The following STAT1 variants were observed in gnomAD, a reference collection of about 807,000 sequenced individuals.
STAT1 encodes signal transducer and activator of transcription 1-alpha/beta.
A neutral mutation model predicts 111.7 loss-of-function variants in STAT1; 24 were observed. The ratio of observed to expected loss-of-function variants is 0.21; its 90% CI spans 0.16 to 0.30. STAT1 has a LOEUF of 0.30. Ranked by LOEUF, STAT1 falls within the 10% of genes least tolerant of loss-of-function variation. STAT1 has a pLI of 1.00. For missense variants in STAT1, 351 were observed against 911.9 expected (o/e 0.38, Z 7.92); for synonymous variants, 332 against 326.5 (o/e 1.02, Z -0.18).
intron 10 of STAT1, among the ~76,000 whole-genome samples, chr2:190,994,501 G>A (rs1202947347): frequency 3.3e-5 from 5 of 152,046 alleles, no homozygotes; most frequent in African/African-American, 4.8e-5. Context: ...GGCATGTTAG[G>A]GTCACGGCGG....
At chr2:190,994,841 G>A (rs1693693862) in intron 10 of STAT1, among the ~76,000 whole-genome samples, 2 of 150,234 alleles carry the variant, frequency 1.3e-5, no homozygotes, top group Admixed American at 6.6e-5. Flanking sequence ...GCTTGAACTT[G>A]GGAGGTGGAG....
At chr2:190,994,668 C>T (rs1032531482) in intron 10 of STAT1, among the ~76,000 whole-genome samples, 1 of 151,976 alleles carries the variant, frequency 6.6e-6, no homozygotes, top group African/African-American at 2.4e-5. Context: ...CGCCTGTAAT[C>T]CCAGCACTTT....
Position 190,974,398 on chromosome 2 carries a change from A to G in STAT1, c.2238+432T>C, listed in dbSNP as rs145673407. 3.1e-4 allele frequency among the ~76,000 whole-genome samples: 47 copies of G among 152,348 alleles called. No homozygotes were observed. Among genetic ancestry groups the G allele is most frequent in the African/African-American group, 8.9e-4 (37 of 41,572 alleles). ...GAAGTAATCTCATTGCTGCTAAAGT[A>G]TAATTCTCTCTAATTACTGTAACTA... On this transcript the variant is annotated intron_variant, in intron 24 of 24. Transcript: ENST00000361099. This position sits in a 1 kb window ranked among gnomAD's most constrained non-coding sequence, Gnocchi z 4.8.
At position 190,977,450 on chromosome 2, in the gene STAT1, T is replaced by C. The variant is rs909360269; in HGVS notation, c.1874-425A>G. ...TTTCATATTGAAAAATCTAATTTTT[T>C]ATTAAAATAAATTATGATATATAGA... On this transcript the variant is annotated intron_variant, in intron 21 of 24. Coordinates refer to ENST00000361099, the MANE Select transcript of STAT1 (RefSeq NM_007315.4). This position sits in a 1 kb window ranked among gnomAD's most constrained non-coding sequence, Gnocchi z 4.7. Among the ~76,000 whole-genome samples the C allele has an allele frequency of 6.6e-6, 1 of 152,244 alleles. No individual in the cohort carries two copies. The highest frequency in any genetic ancestry group is 1.5e-5 in the Non-Finnish European group (1 of 68,044).
Position 190,980,812 on chromosome 2 carries a change from T to C in STAT1, c.1583-143A>G. On this transcript the variant is annotated intron_variant, in intron 18 of 24. Coordinates refer to ENST00000361099, the MANE Select transcript of STAT1 (RefSeq NM_007315.4). This position sits in a 1 kb window ranked among gnomAD's most constrained non-coding sequence, Gnocchi z 6.1. ...TATGTACACAGTTGACATTTTCGGA[T>C]ACCTTAATGCCAAATTAACTGAGCA... The C allele has an allele frequency of 3.7e-6, 3 of 812,226 alleles. No homozygotes were observed. The South Asian group carries it at 4.3e-5, about 12-fold the overall frequency. 50.3% of individuals were successfully genotyped at this position (812,226 alleles called of 1,614,324 possible).
At position 190,995,644 on chromosome 2, in the gene STAT1, T is replaced by C. The variant is rs780173571; in HGVS notation, c.786-425A>G. Among the ~76,000 whole-genome samples, 101 of 152,118 alleles carry C rather than the reference T, an allele frequency of 6.6e-4. No homozygotes were observed. Among genetic ancestry groups the C allele is most frequent in the Admixed American group, 4.7e-3 (72 of 15,270 alleles). ...TTTGGGTGGGGACACGGCCAAACCA[T>C]ATGGCATGGAAACCAACAAGTGGTT... On this transcript the variant is annotated intron_variant, in intron 9 of 24. Coordinates refer to ENST00000361099, the MANE Select transcript of STAT1 (RefSeq NM_007315.4). The surrounding 1 kb of genome is among the most constrained non-coding windows in gnomAD (Gnocchi z 4.2).
Position 190,981,392 on chromosome 2 carries a change from G to A in STAT1, c.1583-723C>T, listed in dbSNP as rs1328529905. Among the ~76,000 whole-genome samples the A allele has an allele frequency of 6.6e-6, 1 of 152,202 alleles. No homozygotes were observed. The highest frequency in any genetic ancestry group is 1.5e-5 in the Non-Finnish European group (1 of 68,040). On this transcript the variant is annotated intron_variant, in intron 18 of 24. Coordinates refer to ENST00000361099, the MANE Select transcript of STAT1 (RefSeq NM_007315.4). The surrounding 1 kb of genome is among the most constrained non-coding windows in gnomAD (Gnocchi z 4.1). ...GTCTGATGCAAATCAAAAACCAAGT[G>A]AGAGAAACGAGAGGAAGAAGCCCGG...
At position 190,991,174 on chromosome 2, in the gene STAT1, G is replaced by A; in HGVS notation, c.1037+54C>T. 2.6e-6 allele frequency: 4 copies of A among 1,554,522 alleles called. No homozygotes were observed. In the Middle Eastern group the frequency reaches 6.9e-4, roughly 268 times the overall value. On this transcript the variant is annotated intron_variant, in intron 11 of 24. Transcript: ENST00000361099. ...TAACAGTTTTTATAAAAGGAAACTA[G>A]GGGTACAAACTACGTGACAGGTGAT...
chr2:191,009,616 G>C (rs888040528), intron 3 of STAT1, among the ~76,000 whole-genome samples: 2 of 152,148 alleles, frequency 1.3e-5, no homozygotes, highest in Admixed American at 1.3e-4. Context: ...CTTGTCCAAA[G>C]CATTTAGGAA....
intron 10 of STAT1, among the ~76,000 whole-genome samples, chr2:190,991,685 C>T (rs45467700): frequency 0.091 from 13,841 of 151,708 alleles, 810 homozygotes; most frequent in East Asian, 0.16. Flanking sequence ...ATAGTGAGAC[C>T]GTATCTTTAC....
In STAT1 at chr2:190,980,574, A is replaced by G. The variant is rs180986774; in HGVS notation, c.1632+46T>C. 4 of 1,601,032 alleles carry G rather than the reference A, an allele frequency of 2.5e-6. No homozygotes were observed. In the South Asian group the frequency reaches 4.4e-5, roughly 18 times the overall value. ...AGCAAGAAACATGAGAACCTCAACC[A>G]AGAGCAAAAAGGACTTAGAGAGCAT... On this transcript the variant is annotated intron_variant, in intron 19 of 24. Coordinates refer to ENST00000361099, the MANE Select transcript of STAT1 (RefSeq NM_007315.4). The surrounding 1 kb of genome is among the most constrained non-coding windows in gnomAD (Gnocchi z 6.1).
chr2:190,976,705 G>A lies in STAT1; in HGVS notation c.2059+135C>T. 2.7e-6 allele frequency: 2 copies of A among 754,484 alleles called. No individual in the cohort carries two copies. The highest frequency in any genetic ancestry group is 4.7e-6 in the Non-Finnish European group (2 of 426,280). 46.7% of individuals were successfully genotyped at this position (754,484 alleles called of 1,614,324 possible). A position where few individuals can be genotyped will look rare whatever the true frequency, so the allele number is the denominator to read the frequency against. On this transcript the variant is annotated intron_variant, in intron 22 of 24. Transcript: ENST00000361099. The surrounding 1 kb of genome is among the most constrained non-coding windows in gnomAD (Gnocchi z 6.0). ...TAATGCATTATGTTTCACCTGCACT[G>A]AGTTTATGCCATCTTTTGAAAGCCT...
In STAT1 at chr2:191,007,549, T is replaced by C; in HGVS notation, c.372+14A>G. 1 of 1,585,888 alleles carries C rather than the reference T, an allele frequency of 6.3e-7. No homozygotes were observed. Among genetic ancestry groups the C allele is most frequent in the East Asian group, 2.2e-5 (1 of 44,648 alleles). ...ATTTTATTACAGTTTATGTGTTCAA[T>C]GAGAAAAAAGTACCTGATTAAATCT... is the stretch of plus-strand genomic sequence containing the variant. On this transcript the variant is annotated intron_variant, in intron 5 of 24. Transcript: ENST00000361099. The surrounding 1 kb of genome is among the most constrained non-coding windows in gnomAD (Gnocchi z 4.2).
Position 190,978,964 on chromosome 2 carries a change from C to A in STAT1, c.1765G>T (p.Ala589Ser), listed in dbSNP as rs745491762. 1.2e-5 allele frequency: 20 copies of A among 1,614,070 alleles called. No individual in the cohort carries two copies. The African/African-American group carries it at 2.5e-4, about 20-fold the overall frequency. Residue 589 changes from alanine to serine, a missense_variant, in exon 21 of 25, where the codon GCC becomes TCC. Around this residue, in one of 7 missense-constraint regions of STAT1, gnomAD observed 181 missense variants for 426.1 expected, o/e 0.42. Transcript: ENST00000361099. The surrounding 1 kb of genome is among the most constrained non-coding windows in gnomAD (Gnocchi z 6.1). ...CCCGGCTGCTGGTCCTTCAACAGGGCACGCTCTCGCTCCTTGCTGATGAAG... is the reference window on the plus strand; with the variant it reads ...CCCGGCTGCTGGTCCTTCAACAGGGAACGCTCTCGCTCCTTGCTGATGAAG... ...MGFISKERERALLKDQQPGTF... is the reference protein window; with the variant it reads ...MGFISKERERSLLKDQQPGTF...
rs1473555565 is a variant in STAT1, at chr2:190,996,418, C to T, written c.786-1199G>A. On this transcript the variant is annotated intron_variant, in intron 9 of 24. Coordinates refer to ENST00000361099, the MANE Select transcript of STAT1 (RefSeq NM_007315.4). This position sits in a 1 kb window ranked among gnomAD's most constrained non-coding sequence, Gnocchi z 4.5. ...AGGCAGGATAACGGCTGGCTGAGTTCCAGCGGAGAAGCTAAACCAGTGTCC... is the reference window on the plus strand; with the variant it reads ...AGGCAGGATAACGGCTGGCTGAGTTTCAGCGGAGAAGCTAAACCAGTGTCC... Among the ~76,000 whole-genome samples the T allele has an allele frequency of 6.6e-6, 1 of 152,190 alleles. No individual in the cohort carries two copies. Among genetic ancestry groups the T allele is most frequent in the Non-Finnish European group, 1.5e-5 (1 of 68,032 alleles).
chr2:191,006,416 T>C lies in STAT1; in HGVS notation c.372+1147A>G, dbSNP rs530475846. ...ACATGCTCAGTTCAGCAAGATGCTA[T>C]CAGTGTGACAAGAAGATGGGAACTA... On this transcript the variant is annotated intron_variant, in intron 5 of 24. Transcript: ENST00000361099. The surrounding 1 kb of genome is among the most constrained non-coding windows in gnomAD (Gnocchi z 4.6). Among the ~76,000 whole-genome samples the C allele has an allele frequency of 6.6e-6, 1 of 152,166 alleles. No homozygotes were observed. Among genetic ancestry groups the C allele is most frequent in the Non-Finnish European group, 1.5e-5 (1 of 68,020 alleles).
chr2:191,003,306 G>A lies in STAT1; in HGVS notation c.373-2143C>T, dbSNP rs1006811533. On this transcript the variant is annotated intron_variant, in intron 5 of 24. Transcript: ENST00000361099. The surrounding 1 kb of genome is among the most constrained non-coding windows in gnomAD (Gnocchi z 4.0). Reference sequence around the variant, plus strand: ...AGTGACAAAAGGGGTTTCTCTGGGCGGTTGGAATAAGTTGTCACTTTGAGG... The same window carrying A: ...AGTGACAAAAGGGGTTTCTCTGGGCAGTTGGAATAAGTTGTCACTTTGAGG... Among the ~76,000 whole-genome samples, 6 of 152,324 alleles carry A rather than the reference G, an allele frequency of 3.9e-5. No homozygotes were observed. The South Asian group carries it at 8.3e-4, about 21-fold the overall frequency.
chr2:191,010,795 TA>T (rs1412561219), intron 2 of STAT1, among the ~76,000 whole-genome samples: 1 of 152,272 alleles, frequency 6.6e-6, no homozygotes, highest in Non-Finnish European at 1.5e-5. Flanking sequence ...AAATGTAATT[TA>T]AAAGGATAAA....
At chr2:191,013,937 GC>G in intron 1 of STAT1, 80 bp downstream of exon 1, 1 of 324,872 alleles carries the variant, frequency 3.1e-6, no homozygotes, top group African/African-American at 2.1e-5. Context: ...GCCCGTCCTC[GC>G]CCGGCGTCCA....
Sources: gnomAD v4.1 joint callset for allele counts (sites outside exome capture counted in the v4.1 genomes callset) on GRCh38, gnomAD v4.1.1 for gene constraint, gnomAD v4.1.1 regional missense constraint, Gnocchi (gnomAD v3.1) non-coding constraint, MANE v1.5 for transcripts, NCBI Gene and HGNC (gene_info 2026-07-23, HGNC 2026-07-21) for gene names.